The following IWS1 variants were observed in gnomAD, a reference collection of about 807,000 sequenced individuals.
IWS1 encodes protein IWS1 homolog.
A neutral mutation model predicts 86.7 loss-of-function variants in IWS1; 27 were observed. The ratio of observed to expected loss-of-function variants is 0.31; its 90% confidence interval spans 0.23 to 0.43. The LOEUF (loss-of-function observed/expected upper bound fraction) is 0.43. Ranked by LOEUF, IWS1 falls within the 20% of genes least tolerant of loss-of-function variation. The probability of loss-of-function intolerance (pLI) is 1.00; values close to 1 mark genes in which losing one functional copy is unlikely to be tolerated. For missense variants in IWS1, 827 were observed against 1,000.8 expected (o/e 0.83, Z 2.34); for synonymous variants, 313 against 335.1 (o/e 0.93, Z 0.72).
At chr2:127,497,894 A>G (rs1392490340) in intron 6 of IWS1, among the ~76,000 whole-genome samples, 2 of 152,190 alleles carry the variant, frequency 1.3e-5, no homozygotes, top group Non-Finnish European at 2.9e-5. Flanking sequence ...TTACTTGGTG[A>G]GCCATAAATT....
chr2:127,498,366 A>T, intron 5 of IWS1, 129 bp from the exon 6 acceptor site: 1 of 805,294 alleles, frequency 1.2e-6, no homozygotes, highest in Non-Finnish European at 1.9e-6. Context: ...GGTACATAAC[A>T]AAAGGTCCCT....
chr2:127,488,903 T>C (rs776933886), intron 12 of IWS1, among the ~76,000 whole-genome samples: 29 of 152,324 alleles, frequency 1.9e-4, no homozygotes, highest in South Asian at 6.2e-4. Context: ...TTTGAGAGCA[T>C]AGACTATTTT....
intron 13 of IWS1, among the ~76,000 whole-genome samples, chr2:127,486,187 G>T (rs1331537563): frequency 2.6e-5 from 4 of 151,966 alleles, no homozygotes; most frequent in African/African-American, 9.7e-5. Context: ...GGAGAGGTAG[G>T]TCTGCTGAAG....
chr2:127,516,047 T>A (rs1381649126), intron 2 of IWS1, among the ~76,000 whole-genome samples: 7 of 152,152 alleles, frequency 4.6e-5, no homozygotes, highest in African/African-American at 1.2e-4. Context: ...TAATCACCCT[T>A]GGGCCGGCTT....
chr2:127,498,064 AAAC>A, intron 6 of IWS1, 73 bp downstream of exon 6: 1 of 1,175,636 alleles, frequency 8.5e-7, no homozygotes, highest in Non-Finnish European at 1.2e-6. Flanking sequence ...CCAAAATGAA[AAAC>A]AAAAGAGAGT....
At chr2:127,522,152 C>A (rs986847995) in intron 2 of IWS1, among the ~76,000 whole-genome samples, 2 of 152,204 alleles carry the variant, frequency 1.3e-5, no homozygotes, top group African/African-American at 4.8e-5. Flanking sequence ...CTCCCCTACC[C>A]CTTAATGACC....
intron 4 of IWS1, 74 bp from the exon 5 acceptor site, chr2:127,502,946 A>G: frequency 1.2e-6 from 1 of 842,034 alleles, no homozygotes; most frequent in Admixed American, 2.0e-5. Context: ...TTTAAAAAAT[A>G]GAATTTATGT....
intron 1 of IWS1, among the ~76,000 whole-genome samples, 193 bp downstream of exon 1, chr2:127,525,982 C>A (rs955136352): frequency 6.6e-6 from 1 of 152,236 alleles, no homozygotes; most frequent in Non-Finnish European, 1.5e-5. Context: ...GAAAGCTTTC[C>A]CACCAGAATC....
chr2:127,493,156 C>G, intron 9 of IWS1, 125 bp downstream of exon 9: 1 of 849,698 alleles, frequency 1.2e-6, no homozygotes, highest in East Asian at 2.9e-5. Context: ...TTCCTTTTTT[C>G]CAACCCCTCT....
Position 127,489,570 on chromosome 2 carries a change from T to G in IWS1, c.2159+262A>C. 1 of 520,450 alleles carries G rather than the reference T, an allele frequency of 1.9e-6. No individual in the cohort carries two copies. 32.2% of individuals were successfully genotyped at this position (520,450 alleles called of 1,614,324 possible). On this transcript the variant is annotated intron_variant, in intron 11 of 13. Transcript: ENST00000295321. This position sits in a 1 kb window ranked among gnomAD's most constrained non-coding sequence, Gnocchi z 4.8. ...GGACCCAGAAAGTTGTTTTCTCAAG[T>G]GGATGGAACAACACAAGCAATCAGT...
chr2:127,521,697 G>A (rs1036555853), intron 2 of IWS1, among the ~76,000 whole-genome samples: 2 of 152,044 alleles, frequency 1.3e-5, no homozygotes, highest in Non-Finnish European at 2.9e-5. Context: ...CGGTTGTATG[G>A]GTACTCAAAG....
At position 127,523,764 on chromosome 2, in the gene IWS1, T is replaced by A; in HGVS notation, c.62A>T (p.Asp21Val). The change falls in exon 2 of 14, where the codon GAT becomes GTT. Residue 21 changes from aspartate (D) to valine (V), a missense_variant. Asp to Val is a radical substitution (Grantham distance 152). Around this residue, in one of 2 missense-constraint regions of IWS1, gnomAD observed 548 missense variants for 560.2 expected, o/e 0.98. Coordinates refer to ENST00000295321, the MANE Select transcript of IWS1 (RefSeq NM_017969.3). ...ACCGTCTGACCCTGAATCCCGTTCA[T>A]CCTGTACTGGGGTAGCACCACCATC... ...SDDGGATPVQ[D>V]ERDSGSDGED... The A allele has an allele frequency of 1.2e-6, 2 of 1,613,732 alleles. No homozygotes were observed. Among genetic ancestry groups the A allele is most frequent in the Non-Finnish European group, 1.7e-6 (2 of 1,179,872 alleles).
At chr2:127,497,271 G>A (rs1690565653) in intron 6 of IWS1, among the ~76,000 whole-genome samples, 1 of 152,160 alleles carries the variant, frequency 6.6e-6, no homozygotes, top group African/African-American at 2.4e-5. Flanking sequence ...GCATCTATCA[G>A]TTTGAGAAAG....
intron 5 of IWS1, among the ~76,000 whole-genome samples, chr2:127,501,292 T>C (rs1482315425): frequency 6.6e-6 from 1 of 152,218 alleles, no homozygotes; most frequent in Non-Finnish European, 1.5e-5. Flanking sequence ...TTGTTTCTGT[T>C]GTGAAGTCAG....
chr2:127,518,827 C>T (rs1691923816), intron 2 of IWS1, among the ~76,000 whole-genome samples: 1 of 152,054 alleles, frequency 6.6e-6, no homozygotes, highest in Non-Finnish European at 1.5e-5. Flanking sequence ...ACCTCGGCCT[C>T]CTAAAGTGCT....
Position 127,505,475 on chromosome 2 carries a change from G to C in IWS1, c.428C>G (p.Ala143Gly). Reference sequence around the variant, plus strand: ...AACATCTTCGTTTTCTGAGTCACTTGCATGCCCATTAAGAAGTTCCTCATT... The same window carrying C: ...AACATCTTCGTTTTCTGAGTCACTTCCATGCCCATTAAGAAGTTCCTCATT... Reference protein sequence around the residue: ...SENEELLNGHASDSENEDVGK... With the variant: ...SENEELLNGHGSDSENEDVGK... Residue 143 changes from alanine to glycine, a missense_variant, in exon 3 of 14, where the codon GCA becomes GGA. Transcript: ENST00000295321. This position sits in a 1 kb window ranked among gnomAD's most constrained non-coding sequence, Gnocchi z 5.0. The C allele has an allele frequency of 6.2e-7, 1 of 1,614,080 alleles. No homozygotes were observed. The highest frequency in any genetic ancestry group is 8.5e-7 in the Non-Finnish European group (1 of 1,180,004).
rs1207637354 is a variant in IWS1, at chr2:127,526,334, CG to C, written c.-127del. The C allele has an allele frequency of 2.0e-5, 31 of 1,538,866 alleles. No individual in the cohort carries two copies. The highest frequency in any genetic ancestry group is 2.7e-5 in the Non-Finnish European group (31 of 1,146,714). On this transcript the variant is annotated 5_prime_UTR_variant, in exon 1 of 14. The change abolishes the stop of an existing upstream ORF in the 5' untranslated region. Coordinates refer to ENST00000295321, the MANE Select transcript of IWS1 (RefSeq NM_017969.3). ...ACTGCCGCCCGACCGGAGAACTTAACGGGTGCGGAGGGTAAGAAAGCGGTAG... is the reference window on the plus strand; with the variant it reads ...ACTGCCGCCCGACCGGAGAACTTAACGGTGCGGAGGGTAAGAAAGCGGTAG...
rs1236641906 is a variant in IWS1 at position 127,489,610 on chromosome 2, C to T, written c.2159+222G>A. On this transcript the variant is annotated intron_variant, in intron 11 of 13. Coordinates refer to ENST00000295321, the MANE Select transcript of IWS1 (RefSeq NM_017969.3). The surrounding 1 kb of genome is among the most constrained non-coding windows in gnomAD (Gnocchi z 4.8). The stretch of plus-strand genomic sequence containing the variant: ...AAGCAATCAGTATCCTGAAACAGGC[C>T]CTGTTCCAACAAACTGACCCAGAAA... 3.7e-6 allele frequency: 2 copies of T among 546,688 alleles called. No individual in the cohort carries two copies. Among genetic ancestry groups the T allele is most frequent in the Non-Finnish European group, 6.5e-6 (2 of 309,894 alleles). The allele number at this position is 546,688 out of a possible 1,614,324, so 33.9% of individuals were successfully genotyped here.
At chr2:127,509,064 G>A (rs1006656522) in intron 2 of IWS1, among the ~76,000 whole-genome samples, 1 of 151,792 alleles carries the variant, frequency 6.6e-6, no homozygotes, top group Non-Finnish European at 1.5e-5. Flanking sequence ...TGGCATGACA[G>A]GGCAAAAAAG....
Sources: gnomAD v4.1 joint callset for allele counts (sites outside exome capture counted in the v4.1 genomes callset) on GRCh38, gnomAD v4.1.1 for gene constraint, gnomAD v4.1.1 regional missense constraint, Gnocchi (gnomAD v3.1) non-coding constraint, MANE v1.5 for transcripts, NCBI Gene and HGNC (gene_info 2026-07-23, HGNC 2026-07-21) for gene names.